Variants in NEGR1 observed in about 807,000 individuals in gnomAD.
NEGR1 encodes the protein IgLON family member 4.
NEGR1 carries 10 observed loss-of-function variants against 40.9 expected under a neutral mutation model. The observed-to-expected ratio is 0.24, with a 90% confidence interval of 0.15 to 0.42. The LOEUF is 0.42. Among genes scored for constraint, NEGR1 ranks in the 10% least tolerant of loss-of-function variants. The pLI is 1.00. For missense variants in NEGR1, 352 were observed against 438.9 expected (o/e 0.80, Z 1.77); for synonymous variants, 185 against 166.8 (o/e 1.11, Z -0.84).
At chr1:71,948,957 G>A (rs1463731284) in intron 1 of NEGR1, among the ~76,000 whole-genome samples, 1 of 151,940 alleles carries the variant, frequency 6.6e-6, no homozygotes, top group Non-Finnish European at 1.5e-5. Flanking sequence ...ACTCTAAAAA[G>A]TTAACCTGAA....
At chr1:71,761,280 G>A (rs115279606) in intron 3 of NEGR1, among the ~76,000 whole-genome samples, 1 of 152,120 alleles carries the variant, frequency 6.6e-6, no homozygotes, top group Non-Finnish European at 1.5e-5. Flanking sequence ...TAGAGTTAAA[G>A]CGGCCATAGA....
chr1:72,226,474 G>A (rs907955057), intron 1 of NEGR1, among the ~76,000 whole-genome samples: 7 of 152,026 alleles, frequency 4.6e-5, no homozygotes, highest in Non-Finnish European at 7.4e-5. Flanking sequence ...AATTTCTAGA[G>A]AATATTGAGA....
intron 6 of NEGR1, among the ~76,000 whole-genome samples, chr1:71,478,608 G>C (rs934094266): frequency 6.6e-6 from 1 of 151,950 alleles, no homozygotes; most frequent in Non-Finnish European, 1.5e-5. Flanking sequence ...TAACACATCA[G>C]CATATCCTAT....
chr1:71,524,760 T>G (rs1483998248), intron 6 of NEGR1, among the ~76,000 whole-genome samples: 1 of 151,668 alleles, frequency 6.6e-6, no homozygotes, highest in Non-Finnish European at 1.5e-5. Flanking sequence ...TCCTGGATTA[T>G]CCAAGTAAAT....
intron 1 of NEGR1, among the ~76,000 whole-genome samples, chr1:72,174,191 A>G (rs913767822): frequency 2.0e-5 from 3 of 152,046 alleles, no homozygotes; most frequent in African/African-American, 7.2e-5. Flanking sequence ...TTTTTTAGAG[A>G]AGTTTTAGGT....
At position 71,464,397 on chromosome 1, in the gene NEGR1, T is replaced by C. The variant is rs1569904507; in HGVS notation, c.941-56827A>G. ...AAAGTGAACTGAAAGTAAAGATAAC[T>C]AGAGAACATCCATCAAATGACAGTT... On this transcript the variant is annotated intron_variant, in intron 6 of 6. Coordinates refer to ENST00000357731, the MANE Select transcript of NEGR1 (RefSeq NM_173808.3). Among the ~76,000 whole-genome samples the C allele has an allele frequency of 3.3e-5, 4 of 122,438 alleles. No homozygotes were observed. In the East Asian group the frequency reaches 1.0e-3, roughly 31 times the overall value. The allele number at this position is 122,438 out of a possible 152,430, so 80.3% of individuals were successfully genotyped here.
chr1:71,842,815 A>C (rs1659287760), intron 2 of NEGR1, among the ~76,000 whole-genome samples: 1 of 152,192 alleles, frequency 6.6e-6, no homozygotes, highest in Non-Finnish European at 1.5e-5. Flanking sequence ...GTATATCTTA[A>C]CTTAGCAAGC....
chr1:72,256,653 G>GT (rs1337208001), intron 1 of NEGR1, among the ~76,000 whole-genome samples: 3 of 152,170 alleles, frequency 2.0e-5, no homozygotes, highest in African/African-American at 7.2e-5. Flanking sequence ...TAAAATATAT[G>GT]TAAAAACTAG....
At chr1:72,282,213 A>G (rs1656282229) in intron 1 of NEGR1, 106 bp downstream of exon 1, 2 of 1,279,252 alleles carry the variant, frequency 1.6e-6, no homozygotes, top group Non-Finnish European at 2.2e-6. Flanking sequence ...TTCCATGATG[A>G]GCACCACCAG....
At chr1:72,110,078 T>C (rs531915578) in intron 1 of NEGR1, among the ~76,000 whole-genome samples, 2 of 151,570 alleles carry the variant, frequency 1.3e-5, no homozygotes, top group South Asian at 2.1e-4. Flanking sequence ...TGAGGGATCA[T>C]GCAACTGTAA....
intron 1 of NEGR1, among the ~76,000 whole-genome samples, chr1:72,228,697 T>C (rs766982982): frequency 1.3e-5 from 2 of 152,110 alleles, no homozygotes; most frequent in Non-Finnish European, 2.9e-5. Context: ...GATACATCTA[T>C]AGACCAAAAG....
intron 1 of NEGR1, among the ~76,000 whole-genome samples, chr1:71,936,470 CAA>C (rs1317654665): frequency 1.3e-5 from 2 of 152,024 alleles, no homozygotes; most frequent in Admixed American, 1.3e-4. Context: ...CATGAGAGAT[CAA>C]AGAGAGTTAC....
chr1:71,451,986 C>T (rs2101329814), intron 6 of NEGR1, among the ~76,000 whole-genome samples: 1 of 152,202 alleles, frequency 6.6e-6, no homozygotes, highest in East Asian at 1.9e-4. Context: ...AGTAGGGATT[C>T]AAAATTAATA....
intron 2 of NEGR1, among the ~76,000 whole-genome samples, chr1:71,823,252 G>A (rs1658500087): frequency 7.3e-6 from 1 of 137,382 alleles, no homozygotes; most frequent in Admixed American, 7.7e-5. Context: ...ACAGGATTAT[G>A]AATAGTGAGA....
intron 6 of NEGR1, among the ~76,000 whole-genome samples, chr1:71,425,514 A>C (rs1557521503): frequency 6.6e-6 from 1 of 152,190 alleles, no homozygotes; most frequent in African/African-American, 2.4e-5. Context: ...GGAAATAATC[A>C]TCATCCACTT....
chr1:71,449,803 A>G (rs1646611985), intron 6 of NEGR1, among the ~76,000 whole-genome samples: 2 of 152,146 alleles, frequency 1.3e-5, no homozygotes, highest in South Asian at 2.1e-4. Context: ...TCAGGGCTCA[A>G]TCTCATGTCT....
intron 1 of NEGR1, among the ~76,000 whole-genome samples, chr1:71,981,934 T>C (rs1424419013): frequency 6.6e-6 from 1 of 152,184 alleles, no homozygotes; most frequent in Non-Finnish European, 1.5e-5. Context: ...TTTGGAAACA[T>C]AAATCATATT....
intron 2 of NEGR1, among the ~76,000 whole-genome samples, chr1:71,917,668 A>T (rs1446231326): frequency 6.6e-6 from 1 of 150,942 alleles, no homozygotes; most frequent in Non-Finnish European, 1.5e-5. Flanking sequence ...GTCGCCAGCT[A>T]CTCGGAGAGG....
intron 2 of NEGR1, among the ~76,000 whole-genome samples, chr1:71,864,591 T>A (rs1425149371): frequency 6.6e-6 from 1 of 152,076 alleles, no homozygotes; most frequent in Non-Finnish European, 1.5e-5. Context: ...TTATTGACAT[T>A]AAGGGCCCTG....
Sources: gnomAD v4.1 joint callset for allele counts (sites outside exome capture counted in the v4.1 genomes callset) on GRCh38, gnomAD v4.1.1 for gene constraint, MANE v1.5 for transcripts, NCBI Gene and HGNC (gene_info 2026-07-23, HGNC 2026-07-21) for gene names.